Variants in AGBL4 observed in about 807,000 individuals in gnomAD.
The protein encoded by AGBL4 is cytosolic carboxypeptidase 6.
Under a neutral mutation model 66.4 loss-of-function variants are expected in AGBL4, and 58 were observed. The ratio of observed to expected loss-of-function variants is 0.87; its 90% CI spans 0.71 to 1.09. The LOEUF is 1.09. AGBL4 is among the 50% of genes least tolerant of loss of function. The pLI is 0.00. For missense variants in AGBL4, 579 were observed against 631.0 expected (o/e 0.92, Z 0.88); for synonymous variants, 234 against 222.9 (o/e 1.05, Z -0.44).
chr1:49,673,680 G>A (rs540197309), intron 3 of AGBL4, among the ~76,000 whole-genome samples: 4 of 152,140 alleles, frequency 2.6e-5, no homozygotes, highest in African/African-American at 9.6e-5. Context: ...TGTTTATTCG[G>A]TGAATATTTA....
chr1:49,489,033 C>G (rs928855024), intron 3 of AGBL4, among the ~76,000 whole-genome samples: 1 of 151,746 alleles, frequency 6.6e-6, no homozygotes, highest in Non-Finnish European at 1.5e-5. Flanking sequence ...GATTTCCTAT[C>G]TTTTCGGTAT....
intron 4 of AGBL4, among the ~76,000 whole-genome samples, chr1:49,147,456 C>A (rs1646239968): frequency 6.6e-6 from 1 of 152,108 alleles, no homozygotes; most frequent in Non-Finnish European, 1.5e-5. Flanking sequence ...CTAGCTAGAT[C>A]TTATCTACTC....
At chr1:48,712,588 G>A (rs990438606) in intron 6 of AGBL4, among the ~76,000 whole-genome samples, 4 of 152,114 alleles carry the variant, frequency 2.6e-5, no homozygotes, top group Non-Finnish European at 5.9e-5. Context: ...CCCACAGTGT[G>A]GTCTGCAGGG....
intron 3 of AGBL4, among the ~76,000 whole-genome samples, chr1:49,294,077 A>G (rs1644595265): frequency 6.6e-6 from 1 of 152,222 alleles, no homozygotes; most frequent in Non-Finnish European, 1.5e-5. Context: ...TTTATGAAGT[A>G]CTAGAGAAAG....
At chr1:49,938,613 C>T (rs1457081562) in intron 1 of AGBL4, among the ~76,000 whole-genome samples, 8 of 152,164 alleles carry the variant, frequency 5.3e-5, no homozygotes, top group South Asian at 2.1e-4. Flanking sequence ...ACTGGCAAAC[C>T]GAATCCAACA....
intron 4 of AGBL4, among the ~76,000 whole-genome samples, chr1:49,156,254 A>G (rs1034251052): frequency 6.6e-6 from 1 of 152,174 alleles, no homozygotes; most frequent in African/African-American, 2.4e-5. Flanking sequence ...GAAATTCACA[A>G]TCCCCGATGC....
chr1:49,663,241 C>T (rs1454687978), intron 3 of AGBL4, among the ~76,000 whole-genome samples: 1 of 152,124 alleles, frequency 6.6e-6, no homozygotes, highest in Non-Finnish European at 1.5e-5. Flanking sequence ...AATTTTGTTT[C>T]CTTCCCATAG....
At chr1:49,726,844 G>GAGGAGGCCATACACTA (rs1553253403) in intron 2 of AGBL4, among the ~76,000 whole-genome samples, 1 of 152,020 alleles carries the variant, frequency 6.6e-6, no homozygotes, top group African/African-American at 2.4e-5. Context: ...CATGGAGGAG[G>GAGGAGGCCATACACTA]AATATGGCCA....
At chr1:48,735,422 CAGAGGAGAAAGAAG>C (rs935271432) in intron 6 of AGBL4, among the ~76,000 whole-genome samples, 2 of 139,044 alleles carry the variant, frequency 1.4e-5, no homozygotes, top group Non-Finnish European at 3.1e-5. Flanking sequence ...AGAAAAAAGA[CAGAGGAGAAAGAAG>C]AGAGGAGGAA....
At chr1:48,549,946 G>A (rs1473704621) in intron 11 of AGBL4, among the ~76,000 whole-genome samples, 1 of 152,152 alleles carries the variant, frequency 6.6e-6, no homozygotes, top group Non-Finnish European at 1.5e-5. Context: ...AACAGTGAGA[G>A]AGACTGAGAA....
rs558227680 is a variant in AGBL4 at position 48,681,680 on chromosome 1, A to G, written c.635-18439T>C. Reference sequence around the variant, plus strand: ...CTTCTCCCCACTCCTGGCTCCTGCCAGGTCTCTTAACAATCCCAAAACAGT... The same window carrying G: ...CTTCTCCCCACTCCTGGCTCCTGCCGGGTCTCTTAACAATCCCAAAACAGT... On this transcript the variant is annotated intron_variant, in intron 6 of 13. Coordinates refer to ENST00000371839, the MANE Select transcript of AGBL4 (RefSeq NM_032785.4). Among the ~76,000 whole-genome samples the G allele has an allele frequency of 9.8e-5, 15 of 152,346 alleles. No homozygotes were observed. The South Asian group carries it at 3.1e-3, about 32-fold the overall frequency.
chr1:48,633,530 G>A (rs1344097708), intron 9 of AGBL4, among the ~76,000 whole-genome samples: 3 of 152,170 alleles, frequency 2.0e-5, no homozygotes, highest in Non-Finnish European at 4.4e-5. Flanking sequence ...AGTCTCCTCT[G>A]TGCACCCTTT....
intron 3 of AGBL4, among the ~76,000 whole-genome samples, chr1:49,659,982 C>T (rs1646235737): frequency 6.6e-6 from 1 of 151,930 alleles, no homozygotes; most frequent in South Asian, 2.1e-4. Flanking sequence ...ATGTAAAACC[C>T]AGAACTATAA....
intron 3 of AGBL4, among the ~76,000 whole-genome samples, chr1:49,524,557 G>A (rs1472790894): frequency 6.6e-6 from 1 of 152,070 alleles, no homozygotes; most frequent in Non-Finnish European, 1.5e-5. Context: ...ACTGACCAGT[G>A]CCATACTGGA....
At chr1:48,676,177 C>T (rs1222063055) in intron 6 of AGBL4, among the ~76,000 whole-genome samples, 2 of 152,246 alleles carry the variant, frequency 1.3e-5, no homozygotes, top group African/African-American at 4.8e-5. Context: ...ATGTATAAAT[C>T]ACAGTGCTCC....
chr1:48,799,918 T>G (rs2148741515), intron 6 of AGBL4, among the ~76,000 whole-genome samples: 1 of 152,348 alleles, frequency 6.6e-6, no homozygotes, highest in Non-Finnish European at 1.5e-5. Context: ...TGCTGAGGAT[T>G]TTTCCATCTA....
At chr1:49,177,941 A>G (rs1646861645) in intron 4 of AGBL4, among the ~76,000 whole-genome samples, 1 of 152,200 alleles carries the variant, frequency 6.6e-6, no homozygotes, top group African/African-American at 2.4e-5. Flanking sequence ...GACCTACAGC[A>G]GGCCTACATC....
intron 3 of AGBL4, among the ~76,000 whole-genome samples, chr1:49,592,918 C>T (rs879866385): frequency 2.0e-5 from 3 of 152,170 alleles, no homozygotes; most frequent in Non-Finnish European, 4.4e-5. Flanking sequence ...AATTGTTTAA[C>T]TAGCAATTTA....
chr1:48,961,065 C>A (rs980827512), intron 5 of AGBL4, among the ~76,000 whole-genome samples: 1 of 150,832 alleles, frequency 6.6e-6, no homozygotes, highest in Non-Finnish European at 1.5e-5. Flanking sequence ...TGCCCTTGGG[C>A]AGATCCCAGT....
Sources: gnomAD v4.1 joint callset for allele counts (sites outside exome capture counted in the v4.1 genomes callset) on GRCh38, gnomAD v4.1.1 for gene constraint, MANE v1.5 for transcripts, NCBI Gene and HGNC (gene_info 2026-07-23, HGNC 2026-07-21) for gene names.